The following MSH4 variants were observed in gnomAD, a reference collection of about 807,000 sequenced individuals.
The protein encoded by MSH4 is mutS protein homolog 4.
In MSH4, 106 loss-of-function variants were observed where a neutral mutation model predicts 113.7. The ratio of observed to expected loss-of-function variants is 0.93; its 90% CI spans 0.80 to 1.10. The LOEUF (loss-of-function observed/expected upper bound fraction) is 1.10, where lower values mean the gene tolerates loss of function less well. MSH4 is among the 50% of genes least tolerant of loss of function. MSH4 has a pLI of 0.00. For missense variants in MSH4, 1,061 were observed against 1,093.7 expected (o/e 0.97, Z 0.42); for synonymous variants, 368 against 380.2 (o/e 0.97, Z 0.37).
chr1:75,885,053 G>GTATATATATATATATATATATATA (rs1440812710), intron 15 of MSH4, among the ~76,000 whole-genome samples: 12 of 103,668 alleles, frequency 1.2e-4, no homozygotes, highest in African/African-American at 4.7e-4. Flanking sequence ...GTGTGTGTGT[G>GTATATATATATATATATATATATA]TGTGTGTATA....
At chr1:75,908,479 A>G (rs1173741473) in intron 19 of MSH4, among the ~76,000 whole-genome samples, 1 of 152,048 alleles carries the variant, frequency 6.6e-6, no homozygotes, top group Admixed American at 6.6e-5. Context: ...TTCTCTGATA[A>G]ATTTATCAGT....
At chr1:75,895,516 T>C (rs533840155) in intron 17 of MSH4, among the ~76,000 whole-genome samples, 284 of 152,292 alleles carry the variant, frequency 1.9e-3, no homozygotes, top group Middle Eastern at 0.014. Flanking sequence ...TACAACTCTC[T>C]TACCAGTTAC....
At chr1:75,887,077 T>TC (rs1652142326) in intron 15 of MSH4, among the ~76,000 whole-genome samples, 2 of 151,814 alleles carry the variant, frequency 1.3e-5, no homozygotes, top group Admixed American at 6.6e-5. Flanking sequence ...ACCTTAGTCT[T>TC]CCCCACTTGC....
chr1:75,832,045 TAATA>T (rs1650705372), intron 7 of MSH4, among the ~76,000 whole-genome samples: 1 of 152,028 alleles, frequency 6.6e-6, no homozygotes, highest in South Asian at 2.1e-4. Context: ...CTAGCAAGAT[TAATA>T]AAGAAGAAAA....
chr1:75,899,615 TAGGATTA>T lies in MSH4; in HGVS notation c.2531-1_2536del. On this transcript the variant is annotated splice_acceptor_variant and coding_sequence_variant, in exon 19 of 20. Transcript: ENST00000263187. LOFTEE classifies it high-confidence loss of function. ...AAGCCAAATTTAAAACAAATAATTCTAGGATTAAAAGCTGCAGAGGTGTCATCACTTC... is the reference window on the plus strand; with the variant it reads ...AAGCCAAATTTAAAACAAATAATTCTAAAGCTGCAGAGGTGTCATCACTTC... 1 of 1,480,172 alleles carries T rather than the reference TAGGATTA, an allele frequency of 6.8e-7. No individual in the cohort carries two copies. The highest frequency in any genetic ancestry group is 9.0e-7 in the Non-Finnish European group (1 of 1,115,740). 91.7% of individuals were successfully genotyped at this position (1,480,172 alleles called of 1,614,324 possible). A position where few individuals can be genotyped will look rare whatever the true frequency, so the allele number is the denominator to read the frequency against.
chr1:75,828,719 C>A (rs2100527482), intron 7 of MSH4, among the ~76,000 whole-genome samples: 1 of 152,242 alleles, frequency 6.6e-6, no homozygotes, highest in African/African-American at 2.4e-5. Context: ...TATCTGAGTG[C>A]TGGATTCAAT....
At chr1:75,902,800 G>A (rs1256956632) in intron 19 of MSH4, among the ~76,000 whole-genome samples, 1 of 138,526 alleles carries the variant, frequency 7.2e-6, no homozygotes, top group East Asian at 2.3e-4. Context: ...CCACCTGTTG[G>A]CTATTTGTAT....
intron 8 of MSH4, among the ~76,000 whole-genome samples, chr1:75,865,101 A>T (rs1651535218): frequency 6.6e-6 from 1 of 151,990 alleles, no homozygotes; most frequent in South Asian, 2.1e-4. Context: ...TTGATCATTA[A>T]TGTCTCCTGT....
intron 14 of MSH4, 136 bp downstream of exon 14, chr1:75,881,506 C>G (rs1651932128): frequency 1.2e-6 from 1 of 833,612 alleles, no homozygotes; most frequent in Non-Finnish European, 1.7e-6. Context: ...TAGACTAAGA[C>G]ACAAAATAAA....
chr1:75,894,267 T>C (rs1472516619), intron 17 of MSH4, among the ~76,000 whole-genome samples: 1 of 152,178 alleles, frequency 6.6e-6, no homozygotes, highest in Admixed American at 6.5e-5. Context: ...GAAAAGTTAC[T>C]GTAATGGGAA....
intron 8 of MSH4, among the ~76,000 whole-genome samples, chr1:75,866,818 T>TAA (rs566828598): frequency 7.0e-6 from 1 of 142,794 alleles, no homozygotes; most frequent in Admixed American, 7.0e-5. Flanking sequence ...CCATCTCTAT[T>TAA]AAAAAAAAAA....
At chr1:75,872,470 A>G (rs1651734173) in intron 9 of MSH4, among the ~76,000 whole-genome samples, 1 of 152,238 alleles carries the variant, frequency 6.6e-6, no homozygotes, top group African/African-American at 2.4e-5. Flanking sequence ...TAAGTGTCAA[A>G]GGTCTTAAAG....
intron 4 of MSH4, among the ~76,000 whole-genome samples, chr1:75,812,810 A>T (rs2100511833): frequency 6.6e-6 from 1 of 152,272 alleles, no homozygotes; most frequent in East Asian, 1.9e-4. Flanking sequence ...AAGTGGAATA[A>T]ACAGTAAATT....
At chr1:75,834,281 C>T (rs143926186) in intron 7 of MSH4, among the ~76,000 whole-genome samples, 2 of 152,118 alleles carry the variant, frequency 1.3e-5, no homozygotes, top group Admixed American at 6.6e-5. Flanking sequence ...CAGGAAATAA[C>T]AAGTGCTGGA....
chr1:75,829,692 C>T (rs536850323), intron 7 of MSH4, among the ~76,000 whole-genome samples: 4 of 152,276 alleles, frequency 2.6e-5, no homozygotes, highest in East Asian at 3.9e-4. Flanking sequence ...ATAGGACCTC[C>T]AGCAAACACC....
At chr1:75,827,468 A>T (rs1650579186) in intron 7 of MSH4, among the ~76,000 whole-genome samples, 1 of 152,136 alleles carries the variant, frequency 6.6e-6, no homozygotes, top group Non-Finnish European at 1.5e-5. Flanking sequence ...TGATGATAGG[A>T]TCAAATTCAC....
chr1:75,858,751 G>T (rs549413907), intron 8 of MSH4, among the ~76,000 whole-genome samples: 52 of 152,254 alleles, frequency 3.4e-4, no homozygotes, highest in Non-Finnish European at 5.0e-4. Flanking sequence ...TCTCTGCCAG[G>T]ATTTGGTATC....
chr1:75,857,383 A>G (rs1651342694), intron 8 of MSH4, among the ~76,000 whole-genome samples: 1 of 152,212 alleles, frequency 6.6e-6, no homozygotes, highest in South Asian at 2.1e-4. Context: ...TCCTGATGGT[A>G]TTGCCCAGGT....
intron 7 of MSH4, among the ~76,000 whole-genome samples, chr1:75,830,015 C>G (rs1650646398): frequency 6.6e-6 from 1 of 151,924 alleles, no homozygotes; most frequent in Non-Finnish European, 1.5e-5. Context: ...TGGTCGAACC[C>G]ATAACAAAGA....
Sources: allele counts gnomAD v4.1 joint callset (sites outside exome capture counted in the v4.1 genomes callset), GRCh38; gene constraint gnomAD v4.1.1; transcripts MANE v1.5; gene names NCBI Gene and HGNC (gene_info 2026-07-23, HGNC 2026-07-21).